PALM2AKAP2: variants seen among roughly 807,000 people sequenced by gnomAD.
PALM2AKAP2 encodes PALM2 and AKAP2 fusion, also known as PALM2-AKAP2 fusion protein.
A neutral mutation model predicts 71.5 loss-of-function variants in PALM2AKAP2; 37 were observed. The observed-to-expected ratio is 0.52, with a 90% CI of 0.40 to 0.68. The LOEUF is 0.68. Ranked by LOEUF, PALM2AKAP2 falls within the 30% of genes least tolerant of loss-of-function variation. The pLI is 0.00. For missense variants in PALM2AKAP2, 1,224 were observed against 1,191.8 expected, an observed-to-expected ratio of 1.03 and a Z score of -0.40; for synonymous variants, 468 against 478.8, an observed-to-expected ratio of 0.98 and a Z score of 0.29.
chr9:109,690,658 C>T lies in PALM2AKAP2; in HGVS notation c.5+49792C>T, dbSNP rs373334066. Among the ~76,000 whole-genome samples the T allele has an allele frequency of 3.9e-5, 6 of 152,162 alleles. No homozygotes were observed. In the South Asian group the frequency reaches 1.0e-3, roughly 26 times the overall value. On this transcript the variant is annotated intron_variant, in intron 1 of 6. Coordinates refer to the PALM2AKAP2 transcript ENST00000374531. ...AACTGAATTCAAAGATAACATTAAC[C>T]TAGGGTACATGGAGACCTGGGATTA...
At chr9:109,842,680 AC>A (rs889226980) in intron 1 of PALM2AKAP2, among the ~76,000 whole-genome samples, 2 of 151,058 alleles carry the variant, frequency 1.3e-5, no homozygotes, top group African/African-American at 4.9e-5. Context: ...GAAAAAAAAA[AC>A]AGACTAATGA....
chr9:110,046,976 G>A (rs916808730), upstream of PALM2AKAP2, among the ~76,000 whole-genome samples: 3 of 152,108 alleles, frequency 2.0e-5, no homozygotes. Flanking sequence ...TCATTTTAAT[G>A]TGAGTTTTTC....
At chr9:109,826,315 G>A (rs937568830) in intron 1 of PALM2AKAP2, among the ~76,000 whole-genome samples, 2 of 151,972 alleles carry the variant, frequency 1.3e-5, no homozygotes, top group African/African-American at 4.8e-5. Context: ...GTATACATAT[G>A]TAACAAACCT....
At chr9:109,989,307 G>A (rs1183288785) in intron 6 of PALM2AKAP2, among the ~76,000 whole-genome samples, 1 of 152,214 alleles carries the variant, frequency 6.6e-6, no homozygotes, top group African/African-American at 2.4e-5. Flanking sequence ...TGAATGGCAA[G>A]GCAAGCAGCT....
intron 1 of PALM2AKAP2, among the ~76,000 whole-genome samples, chr9:110,050,403 T>C (rs967572940): frequency 6.6e-6 from 1 of 152,218 alleles, no homozygotes; most frequent in African/African-American, 2.4e-5. Flanking sequence ...AATTTAAATT[T>C]AACTAAGCTT....
chr9:109,957,774 T>G (rs1564233410), intron 6 of PALM2AKAP2, among the ~76,000 whole-genome samples: 1 of 152,174 alleles, frequency 6.6e-6, no homozygotes. Context: ...ACTCCAGAGA[T>G]CATTATTTAA....
intron 6 of PALM2AKAP2, among the ~76,000 whole-genome samples, chr9:110,000,414 G>A (rs1158055172): frequency 1.3e-5 from 2 of 152,008 alleles, no homozygotes; most frequent in African/African-American, 4.8e-5. Flanking sequence ...GTCTATCATT[G>A]TTCGACATTT....
At chr9:109,773,804 G>A (rs1829309961) in intron 1 of PALM2AKAP2, among the ~76,000 whole-genome samples, 1 of 85,940 alleles carries the variant, frequency 1.2e-5, no homozygotes, top group Non-Finnish European at 2.1e-5. Flanking sequence ...GTTTGTCCGG[G>A]AGGCCCTGGC....
chr9:110,096,794 G>T (rs1752332), intron 1 of PALM2AKAP2, among the ~76,000 whole-genome samples: 3 of 151,472 alleles, frequency 2.0e-5, no homozygotes, highest in South Asian at 2.1e-4. Context: ...GGGGGTTGGG[G>T]GGGGGTGAGT....
intron 1 of PALM2AKAP2, among the ~76,000 whole-genome samples, chr9:109,650,974 T>TTATA (rs1211841710): frequency 6.6e-6 from 1 of 152,220 alleles, no homozygotes; most frequent in African/African-American, 2.4e-5. Flanking sequence ...ATGAATGAGA[T>TTATA]TATAAATACT....
At chr9:109,797,625 C>T (rs992366516) in intron 1 of PALM2AKAP2, among the ~76,000 whole-genome samples, 9 of 152,228 alleles carry the variant, frequency 5.9e-5, no homozygotes, top group African/African-American at 2.2e-4. Context: ...CTGCAGAAGC[C>T]GTCCGTCACC....
intron 1 of PALM2AKAP2, among the ~76,000 whole-genome samples, chr9:110,135,152 C>CAAAAAA (rs1198538795): frequency 6.7e-4 from 18 of 27,014 alleles, no homozygotes; most frequent in African/African-American, 1.2e-3. Flanking sequence ...TCTGTCTCTA[C>CAAAAAA]AAAAAAAAAA....
At chr9:110,046,499 G>A (rs947779373), upstream of PALM2AKAP2, among the ~76,000 whole-genome samples, 35 of 124,624 alleles carry the variant, frequency 2.8e-4, no homozygotes, top group Non-Finnish European at 4.9e-4. Flanking sequence ...ACGGAGTTTC[G>A]CTCTTGTTGC....
chr9:109,750,002 G>A (rs184311239), intron 1 of PALM2AKAP2, among the ~76,000 whole-genome samples: 3 of 152,318 alleles, frequency 2.0e-5, no homozygotes, highest in East Asian at 3.9e-4. Flanking sequence ...GTTCCCATGA[G>A]TGAACATCTG....
chr9:110,004,338 A>G (rs531176157), intron 6 of PALM2AKAP2, among the ~76,000 whole-genome samples: 21 of 152,258 alleles, frequency 1.4e-4, no homozygotes, highest in African/African-American at 4.8e-4. Flanking sequence ...TCTTTCCTTT[A>G]AGAATGTTGA....
At chr9:110,064,864 A>G (rs1246127998) in intron 1 of PALM2AKAP2, among the ~76,000 whole-genome samples, 1 of 152,128 alleles carries the variant, frequency 6.6e-6, no homozygotes, top group African/African-American at 2.4e-5. Flanking sequence ...TGCGCACCAG[A>G]TATCAGGGCC....
At chr9:110,100,051 CTA>C (rs71373968) in intron 1 of PALM2AKAP2, among the ~76,000 whole-genome samples, 4,753 of 109,386 alleles carry the variant, frequency 0.043, 181 homozygotes, top group East Asian at 0.091. Flanking sequence ...GTATGTGTGT[CTA>C]TATATATATA....
intron 1 of PALM2AKAP2, among the ~76,000 whole-genome samples, chr9:109,717,207 G>A (rs561133284): frequency 6.7e-4 from 102 of 152,304 alleles, no homozygotes; most frequent in African/African-American, 2.3e-3. Flanking sequence ...GAGGACACCA[G>A]CTTAAAGCTC....
intron 1 of PALM2AKAP2, among the ~76,000 whole-genome samples, chr9:109,685,279 A>G (rs977183230): frequency 4.6e-5 from 7 of 152,204 alleles, no homozygotes; most frequent in Admixed American, 2.6e-4. Flanking sequence ...TGAACTGGAC[A>G]CTTAAAATAT....
Sources: allele counts gnomAD v4.1 joint callset (sites outside exome capture counted in the v4.1 genomes callset), GRCh38; gene constraint gnomAD v4.1.1; transcripts MANE v1.5; gene names NCBI Gene and HGNC (gene_info 2026-07-23, HGNC 2026-07-21).